RYR2: variants seen among roughly 807,000 people sequenced by gnomAD.
RYR2 encodes ryanodine receptor 2.
RYR2 carries 227 observed loss-of-function variants against 601.1 expected under a neutral mutation model. That is an observed-to-expected ratio of 0.38 (90% CI 0.34 to 0.42). RYR2 has a LOEUF of 0.42. Among genes scored for constraint, RYR2 ranks in the 10% least tolerant of loss-of-function variants. The probability of loss-of-function intolerance (pLI) is 1.00; values close to 1 mark genes in which losing one functional copy is unlikely to be tolerated. For synonymous variants in RYR2, 2,223 were observed against 2,175.1 expected (o/e 1.02, Z -0.61); for missense variants, 4,646 against 6,156.5 (o/e 0.75, Z 8.21).
chr1:237,580,827 A>G (rs1436768605), intron 29 of RYR2, among the ~76,000 whole-genome samples: 1 of 152,176 alleles, frequency 6.6e-6, no homozygotes, highest in Non-Finnish European at 1.5e-5. Context: ...TGCTCAGAGA[A>G]AAGACCATGT....
chr1:237,102,369 C>G (rs1187061989), intron 1 of RYR2, among the ~76,000 whole-genome samples: 2 of 152,160 alleles, frequency 1.3e-5, no homozygotes, highest in African/African-American at 4.8e-5. Context: ...CATGCAGGCA[C>G]ACACACATAC....
At chr1:237,690,510 C>G (rs1209299027) in intron 63 of RYR2, among the ~76,000 whole-genome samples, 3 of 152,168 alleles carry the variant, frequency 2.0e-5, no homozygotes, top group Non-Finnish European at 4.4e-5. Flanking sequence ...TTATCTAAAG[C>G]TTATTATACT....
chr1:237,600,751 G>T (rs1248654351), intron 34 of RYR2, among the ~76,000 whole-genome samples: 1 of 151,874 alleles, frequency 6.6e-6, no homozygotes, highest in East Asian at 1.9e-4. Context: ...AACAACAATA[G>T]TAAAAACAAT....
At chr1:237,707,360 T>G in intron 68 of RYR2, 91 bp downstream of exon 68, 2 of 664,928 alleles carry the variant, frequency 3.0e-6, no homozygotes, top group Non-Finnish European at 4.6e-6. Context: ...CCCATCACAA[T>G]TTTTATTAAT....
At chr1:237,164,169 C>T (rs2148874798) in intron 1 of RYR2, among the ~76,000 whole-genome samples, 1 of 152,312 alleles carries the variant, frequency 6.6e-6, no homozygotes, top group African/African-American at 2.4e-5. Context: ...TGCCTGTAGT[C>T]CCAGTCAGTC....
chr1:237,658,839 G>A lies in RYR2; in HGVS notation c.8208+817G>A, dbSNP rs185277144. Among the ~76,000 whole-genome samples the A allele has an allele frequency of 3.3e-5, 5 of 151,998 alleles. No individual in the cohort carries two copies. In the East Asian group the frequency reaches 5.8e-4, roughly 18 times the overall value. On this transcript the variant is annotated intron_variant, in intron 54 of 104. Coordinates refer to ENST00000366574, the MANE Select transcript of RYR2 (RefSeq NM_001035.3). ...CAGTTTACTAAAAATAGATTACATCGGCCAGGTGATTTTTTTGTGTGTTTT... is the reference window on the plus strand; with the variant it reads ...CAGTTTACTAAAAATAGATTACATCAGCCAGGTGATTTTTTTGTGTGTTTT...
At chr1:237,292,089 A>C (rs1240238456) in intron 2 of RYR2, among the ~76,000 whole-genome samples, 2 of 152,174 alleles carry the variant, frequency 1.3e-5, no homozygotes, top group South Asian at 2.1e-4. Context: ...TAAAAAAATA[A>C]ATTCTATTTG....
chr1:237,118,155 C>A (rs2148629894), intron 1 of RYR2, among the ~76,000 whole-genome samples: 1 of 152,256 alleles, frequency 6.6e-6, no homozygotes, highest in East Asian at 1.9e-4. Flanking sequence ...GGGATATATA[C>A]ATACATAGGT....
rs774400711 is a variant in RYR2 at position 237,625,052 on chromosome 1, AT to A, written c.6023-598del. Among the ~76,000 whole-genome samples the A allele has an allele frequency of 8.4e-3, 1,209 of 144,684 alleles. 9 individuals are homozygous for A. Among genetic ancestry groups the A allele is most frequent in the South Asian group, 0.023 (105 of 4,632 alleles). The allele number at this position is 144,684 out of a possible 152,430, so 94.9% of individuals were successfully genotyped here. A position where few individuals can be genotyped will look rare whatever the true frequency, so the allele number is the denominator to read the frequency against. On this transcript the variant is annotated intron_variant, in intron 39 of 104. Transcript: ENST00000366574. ...TGTATGTATGTGTGTGTATATATATATTTTTTTTTTTCTACAAGTATCCCTG... is the reference window on the plus strand; with the variant it reads ...TGTATGTATGTGTGTGTATATATATATTTTTTTTTTCTACAAGTATCCCTG...
intron 1 of RYR2, among the ~76,000 whole-genome samples, chr1:237,208,966 A>ATATATATATATGTG: frequency 2.8e-5 from 3 of 105,910 alleles, no homozygotes; most frequent in African/African-American, 9.5e-5. Flanking sequence ...ATATATATAT[A>ATATATATATATGTG]TATATATATA....
intron 2 of RYR2, among the ~76,000 whole-genome samples, chr1:237,319,239 C>T (rs540358479): frequency 1.1e-4 from 16 of 151,976 alleles, no homozygotes; most frequent in African/African-American, 3.9e-4. Flanking sequence ...TCCTTTAGTT[C>T]TTTAAACATA....
intron 10 of RYR2, 35 bp downstream of exon 10, chr1:237,388,218 C>G (rs146404170): frequency 5.8e-6 from 9 of 1,555,124 alleles, no homozygotes; most frequent in Non-Finnish European, 8.0e-6. Flanking sequence ...GAGACTTGCA[C>G]TCTTTTGCCT....
At chr1:237,162,139 T>G (rs1414017416) in intron 1 of RYR2, among the ~76,000 whole-genome samples, 1 of 152,222 alleles carries the variant, frequency 6.6e-6, no homozygotes, top group African/African-American at 2.4e-5. Flanking sequence ...GATATTCTGT[T>G]AATCCTCTGC....
intron 1 of RYR2, among the ~76,000 whole-genome samples, chr1:237,239,711 C>A (rs905898489): frequency 1.3e-5 from 2 of 152,186 alleles, no homozygotes; most frequent in African/African-American, 4.8e-5. Flanking sequence ...GGAAATCTTA[C>A]CGAGGACTCT....
At chr1:237,769,172 C>T (rs1573875561) in intron 84 of RYR2, among the ~76,000 whole-genome samples, 1 of 151,934 alleles carries the variant, frequency 6.6e-6, no homozygotes, top group East Asian at 1.9e-4. Flanking sequence ...GATGGGCTCA[C>T]AGGGAAAGAA....
intron 1 of RYR2, among the ~76,000 whole-genome samples, chr1:237,043,503 C>A (rs374535170): frequency 1.3e-5 from 2 of 152,128 alleles, no homozygotes; most frequent in African/African-American, 2.4e-5. Context: ...CTCATTTGTT[C>A]GAACACTGCA....
chr1:237,433,049 T>A (rs1054105235), intron 12 of RYR2, among the ~76,000 whole-genome samples: 4 of 151,908 alleles, frequency 2.6e-5, no homozygotes, highest in Non-Finnish European at 5.9e-5. Flanking sequence ...GGGGGTATCT[T>A]AAAGAAAAGA....
intron 1 of RYR2, among the ~76,000 whole-genome samples, chr1:237,243,413 T>C (rs545818448): frequency 6.6e-6 from 1 of 152,278 alleles, no homozygotes; most frequent in South Asian, 2.1e-4. Flanking sequence ...CTTATTTACA[T>C]TTACGGGCTT....
intron 1 of RYR2, among the ~76,000 whole-genome samples, chr1:237,253,028 G>C (rs111679859): frequency 0.31 from 46,689 of 151,554 alleles, 8,772 homozygotes; most frequent in South Asian, 0.41. Flanking sequence ...AGCCGGGCGT[G>C]GTGGTACACG....
Sources: gnomAD v4.1 joint callset for allele counts (sites outside exome capture counted in the v4.1 genomes callset) on GRCh38, gnomAD v4.1.1 for gene constraint, MANE v1.5 for transcripts, NCBI Gene and HGNC (gene_info 2026-07-23, HGNC 2026-07-21) for gene names.